The following ARHGAP25 variants were observed in gnomAD, a reference collection of about 807,000 sequenced individuals.
ARHGAP25 encodes the protein rho GTPase-activating protein 25.
Under a neutral mutation model 71.0 loss-of-function variants are expected in ARHGAP25, and 34 were observed. That is an observed-to-expected ratio of 0.48 (90% confidence interval 0.36 to 0.64). ARHGAP25 has a LOEUF of 0.64. Among genes scored for constraint, ARHGAP25 ranks in the 30% least tolerant of loss-of-function variants. ARHGAP25 has a pLI of 0.00. For missense variants in ARHGAP25, 706 were observed against 805.1 expected (o/e 0.88, Z 1.49); for synonymous variants, 282 against 296.5 (o/e 0.95, Z 0.50).
chr2:68,746,073 C>T (rs1216765283), intron 1 of ARHGAP25, among the ~76,000 whole-genome samples: 2 of 152,188 alleles, frequency 1.3e-5, no homozygotes, highest in African/African-American at 4.8e-5. Flanking sequence ...GAAGTTTCAA[C>T]ATGAATTTTG....
chr2:68,789,260 G>C (rs891080605), intron 4 of ARHGAP25, among the ~76,000 whole-genome samples: 1 of 151,994 alleles, frequency 6.6e-6, no homozygotes, highest in Non-Finnish European at 1.5e-5. Flanking sequence ...GGATGGTCTC[G>C]ATCTCCTGGC....
intron 4 of ARHGAP25, among the ~76,000 whole-genome samples, chr2:68,794,528 A>G (rs1444678257): frequency 6.6e-6 from 1 of 152,162 alleles, no homozygotes; most frequent in East Asian, 1.9e-4. Context: ...TGAGATGATC[A>G]TATGGCTTTT....
intron 2 of ARHGAP25, among the ~76,000 whole-genome samples, chr2:68,715,530 G>T (rs530849888): frequency 2.8e-4 from 42 of 152,252 alleles, no homozygotes; most frequent in African/African-American, 9.4e-4. Context: ...AGGCGGTCGT[G>T]CTCTTGAAAA....
At chr2:68,765,139 A>T (rs1677050049) in intron 1 of ARHGAP25, among the ~76,000 whole-genome samples, 1 of 152,136 alleles carries the variant, frequency 6.6e-6, no homozygotes, top group Non-Finnish European at 1.5e-5. Flanking sequence ...AGGAAATACT[A>T]TCCATACTGG....
intron 2 of ARHGAP25, chr2:68,775,635 T>C: frequency 1.3e-6 from 1 of 747,600 alleles, no homozygotes. Flanking sequence ...GGACGGGCAC[T>C]GTGGAGTTTC....
At chr2:68,711,091 T>C (rs1674469929) in intron 2 of ARHGAP25, among the ~76,000 whole-genome samples, 1 of 152,188 alleles carries the variant, frequency 6.6e-6, no homozygotes, top group African/African-American at 2.4e-5. Context: ...TCCCTCTCAA[T>C]GGCACCCATT....
chr2:68,742,106 T>G (rs1243853594), intron 1 of ARHGAP25, among the ~76,000 whole-genome samples: 1 of 152,128 alleles, frequency 6.6e-6, no homozygotes, highest in African/African-American at 2.4e-5. Flanking sequence ...CCGCACTGTC[T>G]CCTTTCCACG....
At chr2:68,821,092 C>CTTTTTTTTTTTTTT (rs34119311) in intron 9 of ARHGAP25, among the ~76,000 whole-genome samples, 41 of 99,434 alleles carry the variant, frequency 4.1e-4, no homozygotes, top group African/African-American at 8.2e-4. Flanking sequence ...CTTTTTCTTT[C>CTTTTTTTTTTTTTT]TTTTTTTTTT....
chr2:68,738,800 G>A (rs1377004297), intron 1 of ARHGAP25, among the ~76,000 whole-genome samples: 2 of 146,354 alleles, frequency 1.4e-5, no homozygotes, highest in African/African-American at 2.5e-5. Context: ...CAGCTTGGGC[G>A]ACAGAGCAAG....
intron 4 of ARHGAP25, among the ~76,000 whole-genome samples, chr2:68,805,624 A>G (rs747643173): frequency 6.6e-6 from 1 of 152,086 alleles, no homozygotes; most frequent in African/African-American, 2.4e-5. Context: ...GGTTTCGAAC[A>G]TGATAGAGAG....
intron 2 of ARHGAP25, among the ~76,000 whole-genome samples, chr2:68,714,545 T>A (rs1674567170): frequency 6.6e-6 from 1 of 152,240 alleles, no homozygotes; most frequent in Non-Finnish European, 1.5e-5. Flanking sequence ...CGTTTGCTCT[T>A]GCTTCTCTAG....
At chr2:68,820,301 C>A (rs1329647753) in intron 9 of ARHGAP25, among the ~76,000 whole-genome samples, 2 of 152,194 alleles carry the variant, frequency 1.3e-5, no homozygotes, top group African/African-American at 4.8e-5. Flanking sequence ...CTGATCACCT[C>A]TAGAGTCCTC....
chr2:68,731,640 C>G (rs774545753), upstream of ARHGAP25, among the ~76,000 whole-genome samples: 6 of 152,098 alleles, frequency 3.9e-5, no homozygotes, highest in Admixed American at 6.6e-5. Context: ...TTCTTAGGAG[C>G]GACCTGAAGA....
intron 4 of ARHGAP25, among the ~76,000 whole-genome samples, chr2:68,788,489 T>C (rs1668898863): frequency 6.6e-6 from 1 of 152,204 alleles, no homozygotes; most frequent in South Asian, 2.1e-4. Flanking sequence ...GTGTCTGAAG[T>C]CTTGCAGGTG....
At chr2:68,791,674 T>A (rs1224495311) in intron 4 of ARHGAP25, among the ~76,000 whole-genome samples, 1 of 152,132 alleles carries the variant, frequency 6.6e-6, no homozygotes, top group Non-Finnish European at 1.5e-5. Context: ...CCCTAGGGAA[T>A]GAATCCCAAT....
At chr2:68,764,739 G>A (rs886330135) in intron 1 of ARHGAP25, among the ~76,000 whole-genome samples, 17 of 152,178 alleles carry the variant, frequency 1.1e-4, no homozygotes, top group African/African-American at 3.9e-4. Flanking sequence ...CTCTCTAGGT[G>A]TTGTTAGTGC....
chr2:68,752,495 C>T (rs1437219364), intron 1 of ARHGAP25, among the ~76,000 whole-genome samples: 1 of 152,088 alleles, frequency 6.6e-6, no homozygotes, highest in Admixed American at 6.6e-5. Flanking sequence ...GCTGTTTTCC[C>T]AACTCCACCT....
At chr2:68,771,787 T>A (rs4627610) in intron 1 of ARHGAP25, among the ~76,000 whole-genome samples, 1 of 152,140 alleles carries the variant, frequency 6.6e-6, no homozygotes, top group Admixed American at 6.5e-5. Flanking sequence ...GGCCCAGTGC[T>A]CATAGTTACA....
At chr2:68,736,393 A>C (rs2104279076) in intron 1 of ARHGAP25, among the ~76,000 whole-genome samples, 1 of 152,354 alleles carries the variant, frequency 6.6e-6, no homozygotes, top group East Asian at 1.9e-4. Flanking sequence ...CAAAAGCAAG[A>C]GATTTTCCTC....
Sources: gnomAD v4.1 joint callset for allele counts (sites outside exome capture counted in the v4.1 genomes callset) on GRCh38, gnomAD v4.1.1 for gene constraint, MANE v1.5 for transcripts, NCBI Gene and HGNC (gene_info 2026-07-23, HGNC 2026-07-21) for gene names.